CDYL2: variants seen among roughly 807,000 people sequenced by gnomAD.
CDYL2 encodes the protein chromodomain Y like 2.
Under a neutral mutation model 49.4 loss-of-function variants are expected in CDYL2, and 23 were observed. The ratio of observed to expected loss-of-function variants is 0.47; its 90% CI spans 0.34 to 0.66. The LOEUF (loss-of-function observed/expected upper bound fraction) is 0.66. CDYL2 is among the 30% of genes least tolerant of loss of function. CDYL2 has a pLI of 0.01. For missense variants in CDYL2, 678 were observed against 656.4 expected (o/e 1.03, Z -0.36); for synonymous variants, 360 against 268.8 (o/e 1.34, Z -3.32).
At chr16:80,731,357 G>C (rs1210144967) in intron 1 of CDYL2, among the ~76,000 whole-genome samples, 1 of 152,072 alleles carries the variant, frequency 6.6e-6, no homozygotes, top group Non-Finnish European at 1.5e-5. Context: ...AAGAAATTTA[G>C]AGGACCAAGA....
intron 5 of CDYL2, among the ~76,000 whole-genome samples, chr16:80,611,124 C>T (rs1310143952): frequency 6.6e-6 from 1 of 152,190 alleles, no homozygotes; most frequent in Non-Finnish European, 1.5e-5. Flanking sequence ...GTTCAAATGT[C>T]ACCTGCTCAA....
At chr16:80,745,111 C>A (rs1172432896) in intron 1 of CDYL2, among the ~76,000 whole-genome samples, 1 of 152,184 alleles carries the variant, frequency 6.6e-6, no homozygotes, top group African/African-American at 2.4e-5. Context: ...CACTCCCCCA[C>A]GCTGGGGGCA....
intron 2 of CDYL2, among the ~76,000 whole-genome samples, chr16:80,669,015 G>A (rs1168696880): frequency 6.6e-6 from 1 of 151,956 alleles, no homozygotes; most frequent in East Asian, 1.9e-4. Flanking sequence ...GAGAAGAGAG[G>A]AGAAGAGAGG....
chr16:80,622,626 T>A (rs1268128973), intron 3 of CDYL2, among the ~76,000 whole-genome samples: 1 of 152,140 alleles, frequency 6.6e-6, no homozygotes. Context: ...TATCTGCTTG[T>A]TTAGTCACAC....
intron 1 of CDYL2, among the ~76,000 whole-genome samples, chr16:80,749,636 C>A (rs1906060579): frequency 6.6e-6 from 1 of 152,032 alleles, no homozygotes; most frequent in Non-Finnish European, 1.5e-5. Context: ...CAGCTACCTA[C>A]AAAATAAGGA....
At chr16:80,624,736 AAGAAC>A (rs745636055) in intron 3 of CDYL2, among the ~76,000 whole-genome samples, 31 of 152,194 alleles carry the variant, frequency 2.0e-4, no homozygotes, top group Non-Finnish European at 3.5e-4. Context: ...ACAATAAGGA[AAGAAC>A]AGGAGAATAT....
At chr16:80,613,333 G>A (rs1272356271) in intron 4 of CDYL2, among the ~76,000 whole-genome samples, 3 of 152,154 alleles carry the variant, frequency 2.0e-5, no homozygotes, top group Admixed American at 2.0e-4. Flanking sequence ...CCTCATTCCT[G>A]GAGGTATTTG....
intron 1 of CDYL2, among the ~76,000 whole-genome samples, chr16:80,702,774 G>A (rs780106713): frequency 9.2e-5 from 14 of 152,100 alleles, no homozygotes; most frequent in Non-Finnish European, 4.4e-5. Flanking sequence ...ATATTAGGAG[G>A]CTAGCCTGGC....
intron 1 of CDYL2, among the ~76,000 whole-genome samples, chr16:80,749,612 G>T: frequency 6.6e-6 from 1 of 152,038 alleles, no homozygotes; most frequent in Admixed American, 6.6e-5. Context: ...GCTAAGGAAG[G>T]TAATCCAAAT....
At chr16:80,676,712 A>T (rs988251377) in intron 2 of CDYL2, among the ~76,000 whole-genome samples, 9 of 152,184 alleles carry the variant, frequency 5.9e-5, no homozygotes, top group African/African-American at 2.2e-4. Flanking sequence ...TTGACTTGTA[A>T]TTTGCATTTC....
intron 1 of CDYL2, among the ~76,000 whole-genome samples, chr16:80,798,982 T>C (rs983303269): frequency 6.6e-6 from 1 of 152,048 alleles, no homozygotes; most frequent in African/African-American, 2.4e-5. Flanking sequence ...AATAATATTT[T>C]AGCATTTGAG....
At chr16:80,794,531 G>A (rs1001896552) in intron 1 of CDYL2, among the ~76,000 whole-genome samples, 1 of 143,966 alleles carries the variant, frequency 6.9e-6, no homozygotes, top group African/African-American at 2.6e-5. Context: ...AAACTTCAAT[G>A]TGTTAAAAAT....
rs116705310 is a variant in CDYL2, at chr16:80,674,912, T to C, written c.616+9626A>G. ...TTGAGGGAGTCCCCTTTACAATGCA[T>C]AGATGTGCAGGTGTGTGTGTATATA... On this transcript the variant is annotated intron_variant, in intron 2 of 6. Coordinates refer to ENST00000570137, the MANE Select transcript of CDYL2 (RefSeq NM_152342.4). Among the ~76,000 whole-genome samples, 1,220 of 152,318 alleles carry C rather than the reference T, an allele frequency of 8.0e-3. 32 individuals are homozygous for C. Among genetic ancestry groups the C allele is most frequent in the African/African-American group, 0.028 (1,152 of 41,574 alleles).
intron 1 of CDYL2, among the ~76,000 whole-genome samples, chr16:80,687,558 C>A (rs113683260): frequency 0.033 from 4,885 of 150,024 alleles, 106 homozygotes; most frequent in African/African-American, 0.059. Context: ...GGATGGATGG[C>A]TGGCTGGCTG....
At chr16:80,635,175 C>G (rs551163719) in intron 2 of CDYL2, among the ~76,000 whole-genome samples, 1 of 152,314 alleles carries the variant, frequency 6.6e-6, no homozygotes, top group African/African-American at 2.4e-5. Context: ...ATGTGATCCA[C>G]CACATCAATA....
intron 1 of CDYL2, among the ~76,000 whole-genome samples, chr16:80,798,218 C>T (rs1907824912): frequency 6.6e-6 from 1 of 152,122 alleles, no homozygotes; most frequent in Admixed American, 6.5e-5. Context: ...TTTCTGTATT[C>T]TTTTAGTAGA....
chr16:80,706,094 T>A (rs1904395037), intron 1 of CDYL2, among the ~76,000 whole-genome samples: 1 of 152,234 alleles, frequency 6.6e-6, no homozygotes, highest in Non-Finnish European at 1.5e-5. Context: ...GTGTTCACTC[T>A]TCTCTACTCC....
At chr16:80,650,562 G>T (rs1908540797) in intron 2 of CDYL2, among the ~76,000 whole-genome samples, 1 of 152,146 alleles carries the variant, frequency 6.6e-6, no homozygotes, top group South Asian at 2.1e-4. Context: ...CAGTTGGATG[G>T]TTCCTCAAAA....
chr16:80,716,372 T>C (rs1904798775), intron 1 of CDYL2, among the ~76,000 whole-genome samples: 1 of 152,196 alleles, frequency 6.6e-6, no homozygotes, highest in African/African-American at 2.4e-5. Flanking sequence ...GCTCCTGACA[T>C]ACTGGATGGC....
Sources: gnomAD v4.1 joint callset for allele counts (sites outside exome capture counted in the v4.1 genomes callset) on GRCh38, gnomAD v4.1.1 for gene constraint, MANE v1.5 for transcripts, NCBI Gene and HGNC (gene_info 2026-07-23, HGNC 2026-07-21) for gene names.